Variants in HCFC2 observed in about 807,000 individuals in gnomAD.
HCFC2 encodes host cell factor C2.
HCFC2 carries 18 observed loss-of-function variants against 89.2 expected under a neutral mutation model. That is an observed-to-expected ratio of 0.20 (90% CI 0.14 to 0.30). The LOEUF (loss-of-function observed/expected upper bound fraction) is 0.30. Among genes scored for constraint, HCFC2 ranks in the 10% least tolerant of loss-of-function variants. The probability of loss-of-function intolerance (pLI) is 1.00; values close to 1 mark genes in which losing one functional copy is unlikely to be tolerated. For synonymous variants in HCFC2, 308 were observed against 335.7 expected (o/e 0.92, Z 0.90); for missense variants, 578 against 956.1 (o/e 0.60, Z 5.21).
In HCFC2 at chr12:104,102,082, A is replaced by C; in HGVS notation, c.1993A>C (p.Ser665Arg). The C allele has an allele frequency of 6.2e-7, 1 of 1,614,092 alleles. No individual in the cohort carries two copies. Among genetic ancestry groups the C allele is most frequent in the Non-Finnish European group, 8.5e-7 (1 of 1,179,964 alleles). Reference protein sequence around the residue: ...AINGCGIGPFSKISEFKTCIP... With the variant: ...AINGCGIGPFRKISEFKTCIP... ...CAATGGTTGTGGGATAGGTCCTTTC[A>C]GCAAAATCAGTGAATTTAAAACTTG... The change falls in exon 14 of 15, where the codon AGC becomes CGC. Residue 665 changes from serine to arginine, a missense_variant. Around this residue, in one of 4 missense-constraint regions of HCFC2, gnomAD observed 140 missense variants for 266.4 expected, o/e 0.53. Coordinates refer to ENST00000229330, the MANE Select transcript of HCFC2 (RefSeq NM_013320.3).
intron 10 of HCFC2, among the ~76,000 whole-genome samples, chr12:104,094,511 A>C (rs1884118992): frequency 6.6e-6 from 1 of 152,220 alleles, no homozygotes; most frequent in Admixed American, 6.5e-5. Flanking sequence ...CTGTTGTGGA[A>C]TGAATAAATA....
At chr12:104,086,693 G>T (rs1883859649) in intron 7 of HCFC2, among the ~76,000 whole-genome samples, 154 bp from the exon 8 acceptor site, 1 of 152,058 alleles carries the variant, frequency 6.6e-6, no homozygotes, top group African/African-American at 2.4e-5. Flanking sequence ...TTGACCTACT[G>T]TAGCTGTGTT....
chr12:104,071,177 TAA>T (rs1163916649), intron 3 of HCFC2, among the ~76,000 whole-genome samples: 1 of 152,210 alleles, frequency 6.6e-6, no homozygotes, highest in East Asian at 1.9e-4. Context: ...ATAACACTGG[TAA>T]AAAGTCAAAT....
At chr12:104,073,339 A>G (rs1883393682) in intron 3 of HCFC2, among the ~76,000 whole-genome samples, 1 of 150,970 alleles carries the variant, frequency 6.6e-6, no homozygotes, top group Non-Finnish European at 1.5e-5. Context: ...TAATTTTTGT[A>G]TTTTTAGTAG....
intron 14 of HCFC2, among the ~76,000 whole-genome samples, chr12:104,102,500 G>A (rs2029980789): frequency 6.6e-6 from 1 of 151,974 alleles, no homozygotes; most frequent in African/African-American, 2.4e-5. Context: ...GCCCCAATGT[G>A]TGTTGTCTCC....
In HCFC2 at chr12:104,086,877, TG is replaced by T; in HGVS notation, c.1095del (p.Ile366SerfsTer25). On this transcript the variant is annotated frameshift_variant, in exon 8 of 15. Coordinates refer to ENST00000229330, the MANE Select transcript of HCFC2 (RefSeq NM_013320.3). LOFTEE classifies it high-confidence loss of function. ...EKPPAPSQVQ[L>X]IKATTNSFHV... ...CCACCGGCACCATCTCAAGTACAGC[TG>T]ATCAAAGCCACTACCAACTCCTTTC... 6.2e-7 allele frequency: 1 copy of T among 1,613,900 alleles called. No individual in the cohort carries two copies. The highest frequency in any genetic ancestry group is 8.5e-7 in the Non-Finnish European group (1 of 1,179,846).
chr12:104,096,503 T>G lies in HCFC2; in HGVS notation c.1740+70T>G, dbSNP rs1199901688. The G allele has an allele frequency of 7.7e-6, 8 of 1,038,338 alleles. No homozygotes were observed. The Admixed American group carries it at 1.6e-4, about 20-fold the overall frequency. The allele number at this position is 1,038,338 out of a possible 1,614,324, so 64.3% of individuals were successfully genotyped here. A position where few individuals can be genotyped will look rare whatever the true frequency, so the allele number is the denominator to read the frequency against. ...GTACTTTTAAATGCTGAGCAACTTC[T>G]AAATAATTTCATAAAAAGATTCTCA... On this transcript the variant is annotated intron_variant, in intron 12 of 14. Coordinates refer to ENST00000229330, the MANE Select transcript of HCFC2 (RefSeq NM_013320.3).
At chr12:104,080,977 G>A (rs1883664990) in intron 5 of HCFC2, 147 bp downstream of exon 5, 1 of 542,032 alleles carries the variant, frequency 1.8e-6, no homozygotes, top group Admixed American at 3.7e-5. Flanking sequence ...AAAATAATTT[G>A]TCTGTAGAAG....
intron 5 of HCFC2, 60 bp from the exon 6 acceptor site, chr12:104,082,440 T>C: frequency 8.9e-7 from 1 of 1,126,642 alleles, no homozygotes; most frequent in Non-Finnish European, 1.3e-6. Context: ...TCTTAGCACT[T>C]CAAATCCAAG....
chr12:104,085,672 A>G (rs1883813562), intron 7 of HCFC2, among the ~76,000 whole-genome samples: 1 of 151,050 alleles, frequency 6.6e-6, no homozygotes, highest in African/African-American at 2.4e-5. Context: ...AGTTAGCATC[A>G]GTTTTGGTGG....
intron 4 of HCFC2, 38 bp from the exon 5 acceptor site, chr12:104,080,708 T>C (rs1183911766): frequency 8.1e-7 from 1 of 1,240,124 alleles, no homozygotes. Flanking sequence ...TTTACTCTTG[T>C]TAGATCAAGT....
At chr12:104,070,801 C>CTTTTTTTTTT (rs35437369) in intron 3 of HCFC2, among the ~76,000 whole-genome samples, 2 of 125,008 alleles carry the variant, frequency 1.6e-5, no homozygotes, top group East Asian at 2.2e-4. Flanking sequence ...ATACTTTTTA[C>CTTTTTTTTTT]TTTTTTTTTT....
In HCFC2 at chr12:104,069,177, C is replaced by T. The variant is rs148934366; in HGVS notation, c.473+1070C>T. 1.6e-4 allele frequency among the ~76,000 whole-genome samples: 25 copies of T among 152,168 alleles called. No individual in the cohort carries two copies. In the East Asian group the frequency reaches 3.3e-3, roughly 20 times the overall value. On this transcript the variant is annotated intron_variant, in intron 3 of 14. Coordinates refer to ENST00000229330, the MANE Select transcript of HCFC2 (RefSeq NM_013320.3). ...AAAAAATTAGCTGGGCATGGTGGCACGCGCCTGTGGTCACAGCTACTCAGA... is the reference window on the plus strand; with the variant it reads ...AAAAAATTAGCTGGGCATGGTGGCATGCGCCTGTGGTCACAGCTACTCAGA...
intron 3 of HCFC2, among the ~76,000 whole-genome samples, chr12:104,073,143 A>G (rs1883382663): frequency 6.9e-6 from 1 of 144,408 alleles, no homozygotes; most frequent in Admixed American, 6.9e-5. Context: ...TGTTCCAAAT[A>G]TGTTTTCTAA....
chr12:104,090,497 C>CT (rs144168216), intron 9 of HCFC2, among the ~76,000 whole-genome samples: 20,323 of 148,176 alleles, frequency 0.14, 1,708 homozygotes, highest in Admixed American at 0.22. Context: ...AATTTCTTTT[C>CT]TTTTTTTTTT....
At position 104,102,951 on chromosome 12, in the gene HCFC2, C is replaced by T. The variant is rs192060036; in HGVS notation, c.2065-8C>T. The stretch of plus-strand genomic sequence containing the variant: ...ACCTTTAACCTGTTTTTTCCCCCCC[C>T]CTTCAAGAATGTTGAAGGTATCCAC... On this transcript the variant is annotated splice_polypyrimidine_tract_variant and splice_region_variant and intron_variant, in intron 14 of 14. Coordinates refer to ENST00000229330, the MANE Select transcript of HCFC2 (RefSeq NM_013320.3). The T allele has an allele frequency of 1.6e-4, 257 of 1,592,264 alleles. 2 individuals are homozygous for T. In the South Asian group the frequency reaches 1.9e-3, roughly 12 times the overall value.
At chr12:104,077,731 T>C (rs1331257391) in intron 3 of HCFC2, among the ~76,000 whole-genome samples, 3 of 152,064 alleles carry the variant, frequency 2.0e-5, no homozygotes, top group Non-Finnish European at 2.9e-5. Context: ...AATTAACACA[T>C]GTTTACAATG....
chr12:104,090,815 G>A (rs1389893490), intron 9 of HCFC2: 2 of 151,708 alleles, frequency 1.3e-5, no homozygotes, highest in East Asian at 3.9e-4. Context: ...TCAAGTGTCT[G>A]GTGATACTTG....
At chr12:104,077,970 C>G (rs1023543231) in intron 3 of HCFC2, among the ~76,000 whole-genome samples, 1 of 152,018 alleles carries the variant, frequency 6.6e-6, no homozygotes, top group South Asian at 2.1e-4. Flanking sequence ...TTCTCTTATT[C>G]AAAGTATTAT....
Sources: gnomAD v4.1 joint callset for allele counts (sites outside exome capture counted in the v4.1 genomes callset) on GRCh38, gnomAD v4.1.1 for gene constraint, gnomAD v4.1.1 regional missense constraint, MANE v1.5 for transcripts, NCBI Gene and HGNC (gene_info 2026-07-23, HGNC 2026-07-21) for gene names.